The following ROBO2 variants were observed in gnomAD, a reference collection of about 807,000 sequenced individuals.
ROBO2 encodes roundabout homolog 2.
In ROBO2, 53 loss-of-function variants were observed where a neutral mutation model predicts 160.8. The ratio of observed to expected loss-of-function variants is 0.33; its 90% CI spans 0.26 to 0.41. ROBO2 has a LOEUF of 0.41. ROBO2 is among the 10% of genes least tolerant of loss of function. ROBO2 has a pLI of 1.00. For missense variants in ROBO2, 1,577 were observed against 1,722.4 expected (o/e 0.92, Z 1.49); for synonymous variants, 664 against 611.7 (o/e 1.09, Z -1.26).
chr3:76,453,117 C>T (rs952280547), intron 2 of ROBO2, among the ~76,000 whole-genome samples: 28 of 152,074 alleles, frequency 1.8e-4, no homozygotes, highest in Admixed American at 3.9e-4. Flanking sequence ...TTCTCCCATT[C>T]TGTAGGCTGC....
chr3:76,836,300 T>G (rs1210524955), intron 2 of ROBO2, among the ~76,000 whole-genome samples: 1 of 151,932 alleles, frequency 6.6e-6, no homozygotes, highest in South Asian at 2.1e-4. Context: ...GATATTCAAT[T>G]TATTCACAAT....
intron 2 of ROBO2, among the ~76,000 whole-genome samples, chr3:77,109,172 T>C (rs2073241171): frequency 6.6e-6 from 1 of 152,250 alleles, no homozygotes; most frequent in Non-Finnish European, 1.5e-5. Context: ...TGCTAGAGTT[T>C]TGTACAGTAC....
chr3:76,299,964 G>A (rs1709275340), intron 2 of ROBO2, among the ~76,000 whole-genome samples: 1 of 152,070 alleles, frequency 6.6e-6, no homozygotes, highest in South Asian at 2.1e-4. Flanking sequence ...TTGAGTTGGA[G>A]GTATTTATTT....
chr3:76,563,732 T>C (rs954000346), intron 2 of ROBO2, among the ~76,000 whole-genome samples: 3 of 152,182 alleles, frequency 2.0e-5, no homozygotes, highest in Non-Finnish European at 4.4e-5. Context: ...AGAGACAGTA[T>C]TATCAATTTT....
chr3:76,132,254 G>A (rs963709153), intron 2 of ROBO2, among the ~76,000 whole-genome samples: 1 of 152,152 alleles, frequency 6.6e-6, no homozygotes, highest in African/African-American at 2.4e-5. Flanking sequence ...GGATCAAATT[G>A]TGGCAATAGG....
At chr3:76,019,669 T>G (rs1432348299) in intron 2 of ROBO2, among the ~76,000 whole-genome samples, 1 of 147,382 alleles carries the variant, frequency 6.8e-6, no homozygotes, top group African/African-American at 2.5e-5. Flanking sequence ...ACTGTGTATT[T>G]CTTGGAATTG....
At chr3:76,408,450 T>A (rs956150317) in intron 2 of ROBO2, among the ~76,000 whole-genome samples, 2 of 152,144 alleles carry the variant, frequency 1.3e-5, no homozygotes, top group Admixed American at 6.6e-5. Flanking sequence ...TCAAGAATAG[T>A]GAATAAATTC....
chr3:76,929,400 A>G (rs1197933406), intron 2 of ROBO2, among the ~76,000 whole-genome samples: 1 of 152,192 alleles, frequency 6.6e-6, no homozygotes, highest in Non-Finnish European at 1.5e-5. Flanking sequence ...TCTTTCTCTT[A>G]TGCCCAGTAC....
chr3:77,484,493 T>C (rs2085092060), intron 4 of ROBO2, among the ~76,000 whole-genome samples: 2 of 138,668 alleles, frequency 1.4e-5, no homozygotes, highest in Non-Finnish European at 3.0e-5. Context: ...TACAGGAATC[T>C]CTTGCCCCAA....
At chr3:76,069,680 G>A (rs62268882) in intron 2 of ROBO2, among the ~76,000 whole-genome samples, 1,927 of 151,988 alleles carry the variant, frequency 0.013, 13 homozygotes, top group Middle Eastern at 0.02. Flanking sequence ...GTCTTGACAA[G>A]TTCTTTCTGT....
chr3:76,897,434 C>T (rs576567073), intron 2 of ROBO2, among the ~76,000 whole-genome samples: 22 of 152,152 alleles, frequency 1.4e-4, no homozygotes, highest in African/African-American at 3.9e-4. Context: ...ATCTTGAAAA[C>T]GGCAAAACAG....
chr3:77,327,965 C>T (rs921655076), intron 2 of ROBO2, among the ~76,000 whole-genome samples: 4 of 148,840 alleles, frequency 2.7e-5, no homozygotes, highest in East Asian at 2.0e-4. Flanking sequence ...GCATGAGAAT[C>T]GCTTGAACCT....
intron 2 of ROBO2, among the ~76,000 whole-genome samples, chr3:76,990,912 C>T (rs1044436279): frequency 1.3e-5 from 2 of 152,126 alleles, no homozygotes; most frequent in African/African-American, 4.8e-5. Flanking sequence ...ACAGGCTCCC[C>T]TCCCAAGTGC....
chr3:77,399,027 A>G lies in ROBO2; in HGVS notation c.389-78387A>G, dbSNP rs368163349. Among the ~76,000 whole-genome samples, 5 of 152,262 alleles carry G rather than the reference A, an allele frequency of 3.3e-5. No homozygotes were observed. The South Asian group carries it at 1.0e-3, about 32-fold the overall frequency. On this transcript the variant is annotated intron_variant, in intron 2 of 25. Transcript: ENST00000461745. ...TTAGCAAAATTGGTTATTGTCTTTTAGCAGTTGGTTCCTTATACAAGCCTT... is the reference window on the plus strand; with the variant it reads ...TTAGCAAAATTGGTTATTGTCTTTTGGCAGTTGGTTCCTTATACAAGCCTT...
chr3:77,167,130 A>G (rs1475603128), intron 2 of ROBO2, among the ~76,000 whole-genome samples: 2 of 152,190 alleles, frequency 1.3e-5, no homozygotes, highest in Non-Finnish European at 2.9e-5. Flanking sequence ...TTAGACCTAA[A>G]TATCTCATCT....
At chr3:76,395,966 AT>A (rs1048893431) in intron 2 of ROBO2, among the ~76,000 whole-genome samples, 19 of 152,158 alleles carry the variant, frequency 1.2e-4, no homozygotes, top group African/African-American at 4.6e-4. Flanking sequence ...TCCCTACCTC[AT>A]TTTATGAGGC....
At position 76,382,903 on chromosome 3, in the gene ROBO2, A is replaced by C. The variant is rs150955385; in HGVS notation, c.109+445301A>C. 6.6e-5 allele frequency among the ~76,000 whole-genome samples: 10 copies of C among 152,312 alleles called. No individual in the cohort carries two copies. The East Asian group carries it at 1.9e-3, about 30-fold the overall frequency. ...CTTCTCTTTGAGACTTAGAGGTTATAAGGAATTAAGGAAATAAAGAGGATT... is the reference window on the plus strand; with the variant it reads ...CTTCTCTTTGAGACTTAGAGGTTATCAGGAATTAAGGAAATAAAGAGGATT... On this transcript the variant is annotated intron_variant, in intron 2 of 26. Transcript: ENST00000487694.
intron 6 of ROBO2, among the ~76,000 whole-genome samples, chr3:77,535,364 A>G (rs555175000): frequency 3.9e-5 from 6 of 152,156 alleles, no homozygotes; most frequent in African/African-American, 1.4e-4. Flanking sequence ...GTCTTGTCTC[A>G]CCATTTACTT....
At chr3:76,213,936 T>A (rs181512357) in intron 2 of ROBO2, among the ~76,000 whole-genome samples, 1 of 152,072 alleles carries the variant, frequency 6.6e-6, no homozygotes, top group African/African-American at 2.4e-5. Context: ...TTAGATGATA[T>A]AGATATAGAT....
Sources: gnomAD v4.1 joint callset for allele counts (sites outside exome capture counted in the v4.1 genomes callset) on GRCh38, gnomAD v4.1.1 for gene constraint, MANE v1.5 for transcripts, NCBI Gene and HGNC (gene_info 2026-07-23, HGNC 2026-07-21) for gene names.